Variants in ADGRL3 observed in about 807,000 individuals in gnomAD.
ADGRL3 encodes adhesion G protein-coupled receptor L3, also known as calcium-independent alpha-latrotoxin receptor 3.
ADGRL3 carries 62 observed loss-of-function variants against 153.5 expected under a neutral mutation model. The ratio of observed to expected loss-of-function variants is 0.40; its 90% CI spans 0.33 to 0.50. The LOEUF is 0.50. Ranked by LOEUF, ADGRL3 falls within the 20% of genes least tolerant of loss-of-function variation. ADGRL3 has a pLI of 0.47. For missense variants in ADGRL3, 1,641 were observed against 1,859.4 expected (o/e 0.88, Z 2.16); for synonymous variants, 710 against 672.5 (o/e 1.06, Z -0.86).
At chr4:61,908,228 G>A (rs987265757) in intron 11 of ADGRL3, among the ~76,000 whole-genome samples, 2 of 152,102 alleles carry the variant, frequency 1.3e-5, no homozygotes, top group Non-Finnish European at 2.9e-5. Flanking sequence ...AGTGAACTGT[G>A]ATGAGCTATG....
chr4:61,714,178 C>A (rs961159354), intron 6 of ADGRL3, among the ~76,000 whole-genome samples: 6 of 150,060 alleles, frequency 4.0e-5, no homozygotes, highest in South Asian at 2.1e-4. Flanking sequence ...AAAAAAAGTT[C>A]TTTTGTTGTT....
chr4:61,331,955 G>C (rs2095581703), intron 1 of ADGRL3, among the ~76,000 whole-genome samples: 1 of 152,064 alleles, frequency 6.6e-6, no homozygotes. Context: ...TTCTGTAGGA[G>C]TGGACAAGTG....
At chr4:61,289,902 A>G (rs2094107338) in intron 1 of ADGRL3, among the ~76,000 whole-genome samples, 2 of 152,234 alleles carry the variant, frequency 1.3e-5, no homozygotes, top group East Asian at 1.9e-4. Flanking sequence ...TGAAGGTTAA[A>G]CAAAATTACC....
At chr4:61,859,745 C>T (rs1272779734) in intron 9 of ADGRL3, among the ~76,000 whole-genome samples, 1 of 152,028 alleles carries the variant, frequency 6.6e-6, no homozygotes, top group Non-Finnish European at 1.5e-5. Flanking sequence ...TATGTGTCTG[C>T]GATAATGATC....
At chr4:61,670,699 G>C (rs951597670) in intron 5 of ADGRL3, among the ~76,000 whole-genome samples, 5 of 152,080 alleles carry the variant, frequency 3.3e-5, no homozygotes, top group Non-Finnish European at 7.4e-5. Flanking sequence ...TGAGCTCTAG[G>C]TCTTTTATGT....
In ADGRL3 at chr4:61,201,257, TTTC is replaced by T. The variant is rs1734578421; in HGVS notation, c.-745_-743del. On this transcript the variant is annotated 5_prime_UTR_variant, in exon 1 of 27. The change creates a premature stop within an existing upstream ORF in the 5' untranslated region. Transcript: ENST00000683033. Reference sequence around the variant, plus strand: ...ATTTTTGGTCTCTTCGGCAGCGTCTTTTCTTAAGCGGCGGCGGCAGCAGCAGCA... The same window carrying T: ...ATTTTTGGTCTCTTCGGCAGCGTCTTTTAAGCGGCGGCGGCAGCAGCAGCA... 1 of 152,788 alleles carries T rather than the reference TTTC, an allele frequency of 6.5e-6. No individual in the cohort carries two copies. Among genetic ancestry groups the T allele is most frequent in the Non-Finnish European group, 1.5e-5 (1 of 68,370 alleles). 9.5% of individuals were successfully genotyped at this position (152,788 alleles called of 1,614,324 possible).
chr4:61,666,362 A>G (rs925638953), intron 5 of ADGRL3, among the ~76,000 whole-genome samples: 3 of 152,056 alleles, frequency 2.0e-5, no homozygotes, highest in Admixed American at 2.0e-4. Flanking sequence ...TTTCAAACAT[A>G]CATAAGTCAT....
intron 5 of ADGRL3, among the ~76,000 whole-genome samples, chr4:61,599,529 C>T (rs552544714): frequency 5.3e-5 from 8 of 152,282 alleles, no homozygotes; most frequent in South Asian, 4.1e-4. Context: ...GATGCGGTTT[C>T]GCCCTGTTGG....
At chr4:61,686,873 C>G (rs1159109336) in intron 6 of ADGRL3, among the ~76,000 whole-genome samples, 1 of 151,938 alleles carries the variant, frequency 6.6e-6, no homozygotes, top group Non-Finnish European at 1.5e-5. Flanking sequence ...TTTTTTGATT[C>G]CACATATGAA....
Position 61,512,619 on chromosome 4 carries a change from A to T in ADGRL3, c.56-4696A>T, listed in dbSNP as rs1189111501. On this transcript the variant is annotated intron_variant, in intron 3 of 26. Coordinates refer to ENST00000683033, the MANE Select transcript of ADGRL3 (RefSeq NM_001387552.1). ...CTGTGTTTGTTTAAATCTTGGAAAT[A>T]AAAAGGAACAAGATTTTGAGTATGT... Among the ~76,000 whole-genome samples the T allele has an allele frequency of 3.9e-5, 6 of 152,166 alleles. No individual in the cohort carries two copies. The East Asian group carries it at 1.2e-3, about 29-fold the overall frequency.
At chr4:61,440,430 G>C (rs903451686) in intron 2 of ADGRL3, among the ~76,000 whole-genome samples, 1 of 152,224 alleles carries the variant, frequency 6.6e-6, no homozygotes, top group Non-Finnish European at 1.5e-5. Context: ...CTACAACAAA[G>C]TTTGGAAGAA....
At chr4:61,212,083 G>A (rs1740296823) in intron 1 of ADGRL3, 2 of 152,286 alleles carry the variant, frequency 1.3e-5, no homozygotes, top group Non-Finnish European at 2.9e-5. Flanking sequence ...CCATGTATGA[G>A]CTTTGCTTGC....
chr4:61,962,126 C>A (rs1171666670), intron 17 of ADGRL3, among the ~76,000 whole-genome samples: 1 of 151,896 alleles, frequency 6.6e-6, no homozygotes, highest in Non-Finnish European at 1.5e-5. Flanking sequence ...ATAGTCTCAG[C>A]TACTCAGGAG....
intron 2 of ADGRL3, among the ~76,000 whole-genome samples, chr4:61,426,019 G>A (rs1276117568): frequency 1.3e-5 from 2 of 152,084 alleles, no homozygotes; most frequent in African/African-American, 4.8e-5. Flanking sequence ...CAGTGTAGAA[G>A]TGCCCCACTG....
intron 15 of ADGRL3, among the ~76,000 whole-genome samples, chr4:61,937,541 G>A (rs926955205): frequency 5.3e-5 from 8 of 151,352 alleles, no homozygotes; most frequent in East Asian, 3.9e-4. Context: ...CTCCTCTAAC[G>A]TAGACTCCTC....
chr4:61,289,704 T>C lies in ADGRL3; in HGVS notation c.-240+87939T>C, dbSNP rs137894075. On this transcript the variant is annotated intron_variant, in intron 1 of 26. Transcript: ENST00000683033. ...AAGGATTTTCTACATGATTACTTTATCTTTGTTCAGGTTGGGCAAATTTAA... is the reference window on the plus strand; with the variant it reads ...AAGGATTTTCTACATGATTACTTTACCTTTGTTCAGGTTGGGCAAATTTAA... Among the ~76,000 whole-genome samples the C allele has an allele frequency of 4.9e-4, 74 of 152,174 alleles. 1 individual carries two copies. The East Asian group carries it at 0.012, about 25-fold the overall frequency.
intron 5 of ADGRL3, among the ~76,000 whole-genome samples, chr4:61,596,129 C>T (rs978054663): frequency 6.6e-6 from 1 of 152,042 alleles, no homozygotes; most frequent in Admixed American, 6.6e-5. Context: ...ACTTTGATTG[C>T]TCATCTGATT....
intron 8 of ADGRL3, among the ~76,000 whole-genome samples, chr4:61,807,901 A>T (rs1323634772): frequency 6.6e-6 from 1 of 152,028 alleles, no homozygotes; most frequent in Admixed American, 6.6e-5. Flanking sequence ...TTTTTATTTT[A>T]TTGGAACATC....
At chr4:61,243,750 G>A (rs1381522075) in intron 1 of ADGRL3, among the ~76,000 whole-genome samples, 1 of 151,832 alleles carries the variant, frequency 6.6e-6, no homozygotes, top group African/African-American at 2.4e-5. Context: ...TGTACTAGTG[G>A]ACCTCTTGGG....
Sources: allele counts gnomAD v4.1 joint callset (sites outside exome capture counted in the v4.1 genomes callset), GRCh38; gene constraint gnomAD v4.1.1; transcripts MANE v1.5; gene names NCBI Gene and HGNC (gene_info 2026-07-23, HGNC 2026-07-21).